CHN2: variants seen among roughly 807,000 people sequenced by gnomAD.
CHN2 encodes beta-chimaerin.
In CHN2, 35 loss-of-function variants were observed where a neutral mutation model predicts 56.3. The observed-to-expected ratio is 0.62, with a 90% CI of 0.47 to 0.82. The LOEUF is 0.82. Ranked by LOEUF, CHN2 falls within the 40% of genes least tolerant of loss-of-function variation. The probability of loss-of-function intolerance (pLI) is 0.00; values close to 1 mark genes in which losing one functional copy is unlikely to be tolerated. For synonymous variants in CHN2, 210 were observed against 212.8 expected, an observed-to-expected ratio of 0.99 and a Z score of 0.12; for missense variants, 491 against 580.5, an observed-to-expected ratio of 0.85 and a Z score of 1.58.
chr7:29,313,966 T>C (rs1404542855), intron 1 of CHN2, among the ~76,000 whole-genome samples: 2 of 152,218 alleles, frequency 1.3e-5, no homozygotes, highest in African/African-American at 2.4e-5. Context: ...GGCCTCTTTT[T>C]AAATCTCCCG....
At chr7:29,413,958 G>A (rs1406633530) in intron 6 of CHN2, among the ~76,000 whole-genome samples, 3 of 152,180 alleles carry the variant, frequency 2.0e-5, no homozygotes, top group African/African-American at 4.8e-5. Context: ...GGAATTCCTC[G>A]AGAAGAGATG....
intron 3 of CHN2, among the ~76,000 whole-genome samples, chr7:29,369,474 A>G (rs1799436384): frequency 6.6e-6 from 1 of 152,228 alleles, no homozygotes; most frequent in Admixed American, 6.5e-5. Context: ...TGGGGAATAT[A>G]GCAAAGAACT....
chr7:29,330,473 C>A (rs1315663674), intron 1 of CHN2, among the ~76,000 whole-genome samples: 1 of 152,146 alleles, frequency 6.6e-6, no homozygotes, highest in East Asian at 1.9e-4. Context: ...TTATTTATTG[C>A]AATTAATGAA....
intron 1 of CHN2, among the ~76,000 whole-genome samples, chr7:29,333,812 G>A (rs1431984581): frequency 6.6e-6 from 1 of 152,082 alleles, no homozygotes; most frequent in Non-Finnish European, 1.5e-5. Flanking sequence ...CTTTCATAGT[G>A]GTGAGTTCTG....
chr7:29,284,482 A>G (rs976232801), intron 1 of CHN2, among the ~76,000 whole-genome samples: 1 of 152,202 alleles, frequency 6.6e-6, no homozygotes, highest in Non-Finnish European at 1.5e-5. Flanking sequence ...TGAAGAACCA[A>G]ACAGCCTGTT....
intron 2 of CHN2, among the ~76,000 whole-genome samples, chr7:29,182,393 GAC>G (rs10586348): frequency 0.12 from 18,029 of 152,142 alleles, 1,216 homozygotes; most frequent in East Asian, 0.23. Context: ...ATTGTGATAT[GAC>G]ACATAGAGTG....
intron 1 of CHN2, among the ~76,000 whole-genome samples, chr7:29,200,433 C>CTTCCTTCCTTCT (rs1784064561): frequency 7.0e-6 from 1 of 143,488 alleles, no homozygotes; most frequent in African/African-American, 2.6e-5. Flanking sequence ...TCCTTCTTTC[C>CTTCCTTCCTTCT]TTCCTTCCTT....
chr7:29,305,782 C>T (rs978232215), intron 1 of CHN2, among the ~76,000 whole-genome samples: 2 of 101,420 alleles, frequency 2.0e-5, no homozygotes, highest in African/African-American at 6.7e-5. Flanking sequence ...CCTCCCTTCT[C>T]CTCCCCTCCA....
intron 1 of CHN2, among the ~76,000 whole-genome samples, chr7:29,301,388 C>G (rs969292197): frequency 1.1e-4 from 14 of 130,778 alleles, no homozygotes; most frequent in Non-Finnish European, 1.6e-4. Flanking sequence ...CACACACACA[C>G]AGTTTTTTGG....
chr7:29,311,704 G>T (rs971303337), intron 1 of CHN2, among the ~76,000 whole-genome samples: 1 of 152,232 alleles, frequency 6.6e-6, no homozygotes, highest in South Asian at 2.1e-4. Flanking sequence ...GGGATCATGT[G>T]TTAAATTTAT....
chr7:29,381,853 C>A (rs115021989), intron 3 of CHN2, among the ~76,000 whole-genome samples: 1 of 118,240 alleles, frequency 8.5e-6, no homozygotes, highest in African/African-American at 3.2e-5. Flanking sequence ...CCTAGGAGGG[C>A]GGACCAATTG....
chr7:29,260,559 G>A (rs1789453765), intron 1 of CHN2, among the ~76,000 whole-genome samples: 1 of 152,062 alleles, frequency 6.6e-6, no homozygotes, highest in Admixed American at 6.6e-5. Flanking sequence ...AGGGAAAGGT[G>A]CAGAAAAAGT....
chr7:29,396,971 T>G (rs1001203237), intron 4 of CHN2: 1 of 152,306 alleles, frequency 6.6e-6, no homozygotes, highest in African/African-American at 2.4e-5. Context: ...GAGACTGGGC[T>G]CTGCCTCAGT....
intron 2 of CHN2, among the ~76,000 whole-genome samples, chr7:29,176,194 A>G (rs1797314549): frequency 6.6e-6 from 1 of 151,978 alleles, no homozygotes. Context: ...TCAAGAAAAA[A>G]AAAACAGATA....
At chr7:29,491,418 T>A (rs979501749) in intron 7 of CHN2, among the ~76,000 whole-genome samples, 7 of 151,914 alleles carry the variant, frequency 4.6e-5, no homozygotes, top group African/African-American at 1.7e-4. Context: ...TTTGTGTGTG[T>A]GTGAGAGAGA....
intron 1 of CHN2, among the ~76,000 whole-genome samples, chr7:29,306,892 T>G (rs1209250426): frequency 1.3e-5 from 2 of 152,180 alleles, no homozygotes; most frequent in African/African-American, 4.8e-5. Context: ...CAATAATGAG[T>G]GTTTCCATCC....
intron 1 of CHN2, among the ~76,000 whole-genome samples, chr7:29,230,280 A>C (rs1474137315): frequency 1.3e-5 from 2 of 152,230 alleles, no homozygotes; most frequent in African/African-American, 4.8e-5. Flanking sequence ...TTGTCTTACT[A>C]AACAAAAATT....
intron 1 of CHN2, among the ~76,000 whole-genome samples, chr7:29,263,757 C>T (rs1324155614): frequency 2.0e-5 from 3 of 151,890 alleles, no homozygotes; most frequent in South Asian, 2.1e-4. Flanking sequence ...TGCCCCGCCG[C>T]CCCATCTGAG....
At chr7:29,312,775 C>T (rs886816911) in intron 1 of CHN2, among the ~76,000 whole-genome samples, 1 of 152,032 alleles carries the variant, frequency 6.6e-6, no homozygotes, top group African/African-American at 2.4e-5. Flanking sequence ...CAGACTATTC[C>T]CAAATAATGG....
Sources: allele counts gnomAD v4.1 joint callset (sites outside exome capture counted in the v4.1 genomes callset), GRCh38; gene constraint gnomAD v4.1.1; transcripts MANE v1.5; gene names NCBI Gene and HGNC (gene_info 2026-07-23, HGNC 2026-07-21).